USP32: variants seen among roughly 807,000 people sequenced by gnomAD.
The protein encoded by USP32 is ubiquitin carboxyl-terminal hydrolase 32.
USP32 carries 59 observed loss-of-function variants against 204.8 expected under a neutral mutation model. The observed-to-expected ratio is 0.29, with a 90% CI of 0.23 to 0.36. The LOEUF (loss-of-function observed/expected upper bound fraction) is 0.36. Among genes scored for constraint, USP32 ranks in the 10% least tolerant of loss-of-function variants. The pLI, the probability that USP32 is intolerant of heterozygous loss-of-function variation, is 1.00. For missense variants in USP32, 1,160 were observed against 1,946.4 expected (o/e 0.60, Z 7.60); for synonymous variants, 517 against 678.4 (o/e 0.76, Z 3.70).
intron 7 of USP32, among the ~76,000 whole-genome samples, chr17:60,267,263 T>G (rs1598168319): frequency 6.6e-6 from 1 of 151,860 alleles, no homozygotes; most frequent in African/African-American, 2.4e-5. Flanking sequence ...AAAAATTAGC[T>G]GGGCGTAGTG....
rs59486787 is a variant in USP32, at chr17:60,263,044, G to A, written c.990+2368C>T. 3.3e-3 allele frequency among the ~76,000 whole-genome samples: 509 copies of A among 152,082 alleles called. 4 individuals carry two copies. Among genetic ancestry groups the A allele is most frequent in the African/African-American group, 0.011 (446 of 41,482 alleles). ...GCACACTGCAGCCTTGACCTCCCAG[G>A]CTCAAATGATCCTCTCGCCTCAGCC... On this transcript the variant is annotated intron_variant, in intron 9 of 33. Transcript: ENST00000300896.
chr17:60,368,372 G>T (rs2089360076), intron 1 of USP32, among the ~76,000 whole-genome samples: 1 of 152,026 alleles, frequency 6.6e-6, no homozygotes, highest in Non-Finnish European at 1.5e-5. Flanking sequence ...TCACTTCATA[G>T]AAGTCAACAG....
intron 6 of USP32, among the ~76,000 whole-genome samples, chr17:60,269,763 T>C (rs536407459): frequency 6.6e-6 from 1 of 152,294 alleles, no homozygotes; most frequent in East Asian, 1.9e-4. Context: ...GAAAATACAT[T>C]ACAATCCTTT....
At chr17:60,191,800 C>G (rs147029535) in intron 28 of USP32, among the ~76,000 whole-genome samples, 1 of 151,988 alleles carries the variant, frequency 6.6e-6, no homozygotes, top group African/African-American at 2.4e-5. Flanking sequence ...TGAGCCACCA[C>G]GCCTGGCCAA....
At position 60,179,139 on chromosome 17, in the gene USP32, G is replaced by A; in HGVS notation, c.*116C>T. 2 of 1,170,660 alleles carry A rather than the reference G, an allele frequency of 1.7e-6. No individual in the cohort carries two copies. Among genetic ancestry groups the A allele is most frequent in the Middle Eastern group, 2.4e-4 (1 of 4,184 alleles). 72.5% of individuals were successfully genotyped at this position (1,170,660 alleles called of 1,614,324 possible). A position where few individuals can be genotyped will look rare whatever the true frequency, so the allele number is the denominator to read the frequency against. ...TAGAATTTTTATTTTGTGCTTCAGG[G>A]CCACAGGATAAAATAACTACATTTA... On this transcript the variant is annotated 3_prime_UTR_variant, in exon 34 of 34. Transcript: ENST00000300896.
At chr17:60,401,487 T>C (rs2089934967) in intron 1 of USP32, among the ~76,000 whole-genome samples, 1 of 152,184 alleles carries the variant, frequency 6.6e-6, no homozygotes. Flanking sequence ...ATTTGGGGGC[T>C]ATCAATGTGC....
intron 2 of USP32, among the ~76,000 whole-genome samples, chr17:60,323,503 G>T (rs181490851): frequency 6.6e-6 from 1 of 152,156 alleles, no homozygotes; most frequent in African/African-American, 2.4e-5. Context: ...GTTAAAGTAA[G>T]GTTTCTTTTT....
At chr17:60,307,548 C>CA (rs1290826850) in intron 2 of USP32, among the ~76,000 whole-genome samples, 3 of 152,052 alleles carry the variant, frequency 2.0e-5, no homozygotes, top group Non-Finnish European at 4.4e-5. Flanking sequence ...CCCAAATAGC[C>CA]AAAAAATCCT....
chr17:60,412,995 C>G (rs2090030081), intron 1 of USP32, among the ~76,000 whole-genome samples: 1 of 152,028 alleles, frequency 6.6e-6, no homozygotes, highest in Non-Finnish European at 1.5e-5. Flanking sequence ...TTTTGATACC[C>G]TGACAAGATA....
chr17:60,271,564 C>A, intron 5 of USP32, 83 bp from the exon 6 acceptor site: 1 of 1,335,092 alleles, frequency 7.5e-7, no homozygotes, highest in South Asian at 1.7e-5. Flanking sequence ...ATATCTTCCA[C>A]AGATATATTT....
At chr17:60,253,288 T>G (rs570776407) in intron 10 of USP32, among the ~76,000 whole-genome samples, 2 of 152,158 alleles carry the variant, frequency 1.3e-5, no homozygotes, top group African/African-American at 4.8e-5. Flanking sequence ...TATGTTCGTG[T>G]ACAAACAGCA....
At chr17:60,326,397 G>T (rs989627896) in intron 2 of USP32, among the ~76,000 whole-genome samples, 1 of 151,214 alleles carries the variant, frequency 6.6e-6, no homozygotes, top group African/African-American at 2.4e-5. Flanking sequence ...TGCAACCTCC[G>T]CCTCCTAGGT....
intron 12 of USP32, among the ~76,000 whole-genome samples, chr17:60,232,075 GA>G (rs1290366523): frequency 6.6e-6 from 1 of 151,478 alleles, no homozygotes; most frequent in Non-Finnish European, 1.5e-5. Context: ...GTCATTTTAT[GA>G]AGAGAAAAAA....
intron 1 of USP32, among the ~76,000 whole-genome samples, chr17:60,351,523 G>C (rs2088949124): frequency 6.6e-6 from 1 of 152,050 alleles, no homozygotes; most frequent in East Asian, 1.9e-4. Context: ...CTGTCTCCCG[G>C]GTTCAAGCAA....
chr17:60,286,963 C>A (rs189397474), intron 5 of USP32, among the ~76,000 whole-genome samples: 2 of 152,132 alleles, frequency 1.3e-5, no homozygotes, highest in African/African-American at 4.8e-5. Context: ...GCCTGGCCAA[C>A]ATGGTGAAAC....
chr17:60,282,244 A>G (rs1360371013), intron 5 of USP32, among the ~76,000 whole-genome samples: 1 of 152,222 alleles, frequency 6.6e-6, no homozygotes, highest in Non-Finnish European at 1.5e-5. Context: ...TCTATATCTG[A>G]TATCATTTAG....
At chr17:60,296,120 T>TA (rs984751990) in intron 3 of USP32, among the ~76,000 whole-genome samples, 30 of 152,206 alleles carry the variant, frequency 2.0e-4, no homozygotes, top group African/African-American at 6.3e-4. Flanking sequence ...TTAATATTTT[T>TA]AAAAAATCAA....
intron 1 of USP32, among the ~76,000 whole-genome samples, chr17:60,409,537 A>C (rs967731785): frequency 8.5e-5 from 13 of 152,314 alleles, no homozygotes; most frequent in African/African-American, 3.1e-4. Context: ...TATTGCAGTA[A>C]AAAATTACCA....
intron 2 of USP32, among the ~76,000 whole-genome samples, chr17:60,344,360 C>G (rs1030758721): frequency 1.3e-5 from 2 of 152,078 alleles, no homozygotes; most frequent in Non-Finnish European, 2.9e-5. Flanking sequence ...GAATTCCTGA[C>G]CTCGTGATTC....
Sources: gnomAD v4.1 joint callset for allele counts (sites outside exome capture counted in the v4.1 genomes callset) on GRCh38, gnomAD v4.1.1 for gene constraint, MANE v1.5 for transcripts, NCBI Gene and HGNC (gene_info 2026-07-23, HGNC 2026-07-21) for gene names.